ADGRL4: variants seen among roughly 807,000 people sequenced by gnomAD.
ADGRL4 encodes the protein adhesion G protein-coupled receptor L4, also known as EGF, latrophilin and seven transmembrane domain containing 1.
ADGRL4 carries 90 observed loss-of-function variants against 74.8 expected under a neutral mutation model. That is an observed-to-expected ratio of 1.20 (90% CI 1.02 to 1.43). ADGRL4 has a LOEUF of 1.43. Ranked by LOEUF, ADGRL4 falls within the 40% of genes most tolerant of loss-of-function variation. The pLI, the probability that ADGRL4 is intolerant of heterozygous loss-of-function variation, is 0.00. For missense variants in ADGRL4, 881 were observed against 814.3 expected, an observed-to-expected ratio of 1.08 and a Z score of -1.00; for synonymous variants, 311 against 279.2, an observed-to-expected ratio of 1.11 and a Z score of -1.14.
At chr1:78,906,888 T>C (rs1027024886) in intron 12 of ADGRL4, among the ~76,000 whole-genome samples, 1 of 151,962 alleles carries the variant, frequency 6.6e-6, no homozygotes, top group Non-Finnish European at 1.5e-5. Flanking sequence ...GATATAAGAT[T>C]TTCCCCCAAA....
chr1:78,901,904 G>T (rs1648528957), intron 12 of ADGRL4, among the ~76,000 whole-genome samples: 1 of 152,122 alleles, frequency 6.6e-6, no homozygotes, highest in African/African-American at 2.4e-5. Context: ...CCAACACTCA[G>T]CTCAGCAGAA....
chr1:78,911,685 G>A (rs2100663271), intron 12 of ADGRL4, among the ~76,000 whole-genome samples: 1 of 151,720 alleles, frequency 6.6e-6, no homozygotes, highest in African/African-American at 2.4e-5. Context: ...ATGTTTTGCT[G>A]TAAAAATCAT....
At chr1:78,974,607 G>A (rs1329466690) in intron 2 of ADGRL4, among the ~76,000 whole-genome samples, 1 of 152,154 alleles carries the variant, frequency 6.6e-6, no homozygotes, top group African/African-American at 2.4e-5. Context: ...AGACCAAAAT[G>A]TGTTACACTG....
intron 12 of ADGRL4, among the ~76,000 whole-genome samples, chr1:78,898,894 A>G (rs1017200036): frequency 1.3e-5 from 2 of 152,180 alleles, no homozygotes; most frequent in African/African-American, 4.8e-5. Context: ...AAAAAACAAG[A>G]AATTTAAGTA....
chr1:78,978,052 G>A (rs12023385), intron 2 of ADGRL4, among the ~76,000 whole-genome samples: 13,613 of 151,888 alleles, frequency 0.09, 823 homozygotes, highest in East Asian at 0.35. Flanking sequence ...TCCCCACTCT[G>A]CTCTATCACC....
rs372536495 is a variant in ADGRL4, at chr1:78,898,816, G to A, written c.1750-5627C>T. 9.2e-5 allele frequency among the ~76,000 whole-genome samples: 14 copies of A among 152,202 alleles called. No individual in the cohort carries two copies. In the South Asian group the frequency reaches 1.2e-3, roughly 14 times the overall value. On this transcript the variant is annotated intron_variant, in intron 12 of 14. Coordinates refer to ENST00000370742, the MANE Select transcript of ADGRL4 (RefSeq NM_022159.4). ...GATACATGCAGTTCATATATTTCATGTATTTCAAAGCTTAGCACATACATT... is the reference window on the plus strand; with the variant it reads ...GATACATGCAGTTCATATATTTCATATATTTCAAAGCTTAGCACATACATT...
chr1:78,894,776 G>T (rs1215579466), intron 12 of ADGRL4, among the ~76,000 whole-genome samples: 1 of 151,744 alleles, frequency 6.6e-6, no homozygotes, highest in Non-Finnish European at 1.5e-5. Context: ...TATTGATCTT[G>T]CTATCTCAAC....
intron 7 of ADGRL4, among the ~76,000 whole-genome samples, chr1:78,932,051 C>G (rs745735866): frequency 2.0e-4 from 30 of 151,420 alleles, no homozygotes; most frequent in Non-Finnish European, 3.4e-4. Flanking sequence ...ATAATCAGGA[C>G]TAGAACTCAG....
intron 12 of ADGRL4, 137 bp from the exon 13 acceptor site, chr1:78,893,326 T>C: frequency 6.3e-6 from 4 of 632,558 alleles, no homozygotes; most frequent in Middle Eastern, 8.2e-4. Flanking sequence ...ACAATATCAC[T>C]GAAAATTATC....
intron 12 of ADGRL4, among the ~76,000 whole-genome samples, chr1:78,893,688 A>G (rs1021271578): frequency 1.3e-5 from 2 of 151,950 alleles, no homozygotes; most frequent in Non-Finnish European, 2.9e-5. Context: ...TGATTTATCT[A>G]GATTCTCTCC....
chr1:78,934,585 G>A (rs1649314483), intron 7 of ADGRL4, among the ~76,000 whole-genome samples: 2 of 152,118 alleles, frequency 1.3e-5, no homozygotes, highest in South Asian at 4.1e-4. Flanking sequence ...CTTCTGCACA[G>A]CCAAAGAAGT....
intron 2 of ADGRL4, among the ~76,000 whole-genome samples, chr1:78,966,497 A>C (rs1650059336): frequency 6.6e-6 from 1 of 152,076 alleles, no homozygotes; most frequent in Non-Finnish European, 1.5e-5. Context: ...AAATCCTCTC[A>C]CTGTTGCTTC....
At chr1:78,916,997 A>C (rs2100668203) in intron 12 of ADGRL4, among the ~76,000 whole-genome samples, 1 of 152,002 alleles carries the variant, frequency 6.6e-6, no homozygotes, top group East Asian at 1.9e-4. Flanking sequence ...CACTTCCAAT[A>C]AGAATTAAAA....
At chr1:78,926,837 TCTGA>T (rs755097211) in intron 8 of ADGRL4, 45 bp downstream of exon 8, 5 of 1,367,094 alleles carry the variant, frequency 3.7e-6, no homozygotes, top group South Asian at 1.2e-5. Context: ...AGTCCAGTTC[TCTGA>T]CTGTATCACA....
At chr1:78,997,782 A>T (rs1393671759) in intron 2 of ADGRL4, among the ~76,000 whole-genome samples, 2 of 152,200 alleles carry the variant, frequency 1.3e-5, no homozygotes, top group African/African-American at 4.8e-5. Flanking sequence ...TGATTATCAC[A>T]GGTAACTTGC....
intron 12 of ADGRL4, among the ~76,000 whole-genome samples, chr1:78,896,849 C>T (rs1648409674): frequency 6.6e-6 from 1 of 152,082 alleles, no homozygotes; most frequent in African/African-American, 2.4e-5. Context: ...TACCTCTTCC[C>T]CCAAGCGTTA....
At chr1:78,991,561 C>T (rs1169504923) in intron 2 of ADGRL4, among the ~76,000 whole-genome samples, 3 of 151,864 alleles carry the variant, frequency 2.0e-5, no homozygotes, top group African/African-American at 7.2e-5. Context: ...GAAATAACAA[C>T]CTTTAAGTCT....
chr1:78,995,431 C>T (rs1650693842), intron 2 of ADGRL4, among the ~76,000 whole-genome samples: 1 of 152,172 alleles, frequency 6.6e-6, no homozygotes, highest in Admixed American at 6.5e-5. Flanking sequence ...CACATCCTGG[C>T]TCATCAGGAA....
chr1:78,921,558 G>A (rs1035582159), intron 9 of ADGRL4, 55 bp downstream of exon 9: 16 of 1,152,330 alleles, frequency 1.4e-5, no homozygotes, highest in East Asian at 2.8e-5. Flanking sequence ...CGAATGATGC[G>A]GAAAAAAAAC....
Sources: gnomAD v4.1 joint callset for allele counts (sites outside exome capture counted in the v4.1 genomes callset) on GRCh38, gnomAD v4.1.1 for gene constraint, MANE v1.5 for transcripts, NCBI Gene and HGNC (gene_info 2026-07-23, HGNC 2026-07-21) for gene names.